DNAH1: variants seen among roughly 807,000 people sequenced by gnomAD.
The protein encoded by DNAH1 is dynein axonemal heavy chain 1.
In DNAH1, 327 loss-of-function variants were observed where a neutral mutation model predicts 484.3. The observed-to-expected ratio is 0.68, with a 90% CI of 0.62 to 0.74. The LOEUF (loss-of-function observed/expected upper bound fraction) is 0.74. Among genes scored for constraint, DNAH1 ranks in the 30% least tolerant of loss-of-function variants. The pLI is 0.00. For synonymous variants in DNAH1, 2,192 were observed against 2,191.9 expected (o/e 1.00, Z 0.00); for missense variants, 5,052 against 5,546.8 (o/e 0.91, Z 2.83).
In DNAH1 at chr3:52,369,508, G is replaced by T. The variant is rs150190976; in HGVS notation, c.5944-317G>T. 1.7e-3 allele frequency among the ~76,000 whole-genome samples: 254 copies of T among 152,294 alleles called. 4 individuals carry two copies. The East Asian group carries it at 0.021, about 12-fold the overall frequency. Reference sequence around the variant, plus strand: ...GACCTGTGTCTATGTGCACAGGGGTGGAGGGCTCTGGAGCAAAATACACAG... The same window carrying T: ...GACCTGTGTCTATGTGCACAGGGGTTGAGGGCTCTGGAGCAAAATACACAG... On this transcript the variant is annotated intron_variant, in intron 37 of 77. Coordinates refer to ENST00000420323, the MANE Select transcript of DNAH1 (RefSeq NM_015512.5).
At position 52,386,183 on chromosome 3, in the gene DNAH1, G is replaced by A. The variant is rs79689614; in HGVS notation, c.8649G>A (p.Glu2883=). ...AGGTGGATACGGCCATCGCCGAGGAGACCCGGAATTCAGTGCAGACAGAGG... is the reference window on the plus strand; with the variant it reads ...AGGTGGATACGGCCATCGCCGAGGAAACCCGGAATTCAGTGCAGACAGAGG... The part of the protein sequence containing the change: ...QIKVDTAIAE[E]TRNSVQTEEI... Residue 2883 remains glutamate (E), a synonymous_variant, in exon 55 of 78, where the codon GAG becomes GAA. Transcript: ENST00000420323. 3 of 1,613,578 alleles carry A rather than the reference G, an allele frequency of 1.9e-6. No homozygotes were observed. The East Asian group carries it at 6.7e-5, about 36-fold the overall frequency.
chr3:52,370,908 G>A (rs1703312038), intron 41 of DNAH1, 83 bp downstream of exon 41: 1 of 1,382,788 alleles, frequency 7.2e-7, no homozygotes, highest in Non-Finnish European at 1.0e-6. Context: ...TGGCCACACA[G>A]GGAGCCGTCA....
intron 37 of DNAH1, 119 bp downstream of exon 37, chr3:52,369,037 A>C: frequency 3.4e-6 from 4 of 1,180,848 alleles, no homozygotes; most frequent in Non-Finnish European, 4.8e-6. Flanking sequence ...GGTCCATCTC[A>C]GGCTGTCACC....
intron 1 of DNAH1, among the ~76,000 whole-genome samples, chr3:52,318,909 A>G (rs561698783): frequency 5.3e-5 from 8 of 152,270 alleles, no homozygotes; most frequent in Non-Finnish European, 8.8e-5. Context: ...AAATGGATAA[A>G]GGTGCAGGAT....
At position 52,357,731 on chromosome 3, in the gene DNAH1, C is replaced by T; in HGVS notation, c.3976C>T (p.Pro1326Ser). 6.3e-7 allele frequency: 1 copy of T among 1,576,740 alleles called. No individual in the cohort carries two copies. The highest frequency in any genetic ancestry group is 1.2e-5 in the South Asian group (1 of 86,524). Residue 1326 changes from proline to serine, a missense_variant, in exon 23 of 78, where the codon CCC becomes TCC. Physicochemically the swap from Pro to Ser is moderately conservative, Grantham distance 74 (BLOSUM62 -1). Transcript: ENST00000420323. ...EYLETKRSAF[P>S]RFYFLSDDEL... ...TCTGGAGACCAAGAGGAGCGCCTTC[C>T]CCAGGTGGGCGCCACCTGGCCATGC...
chr3:52,383,199 C>T (rs1317424405), intron 50 of DNAH1, among the ~76,000 whole-genome samples, 187 bp from the exon 51 acceptor site: 6 of 152,202 alleles, frequency 3.9e-5, no homozygotes, highest in Non-Finnish European at 2.9e-5. Flanking sequence ...AGAGCTTCTA[C>T]ATGGGGGCAA....
rs201550077 is a variant in DNAH1 at position 52,388,184 on chromosome 3, G to T, written c.9021G>T (p.Val3007=). Residue 3007 remains valine (V), a synonymous_variant, in exon 57 of 78, where the codon GTG becomes GTT. Transcript: ENST00000420323. The part of the protein sequence containing the change: ...FKFDKDNIGD[V]VIKAIQPYID... ...CACCTCAGGACAACATTGGGGATGTGGTGATCAAAGCCATCCAGCCGTACA... is the reference window on the plus strand; with the variant it reads ...CACCTCAGGACAACATTGGGGATGTTGTGATCAAAGCCATCCAGCCGTACA... The T allele has an allele frequency of 6.6e-4, 1,057 of 1,609,646 alleles. 2 individuals are homozygous for T. Among genetic ancestry groups the T allele is most frequent in the Non-Finnish European group, 8.6e-4 (1,010 of 1,178,144 alleles).
In DNAH1 at chr3:52,382,463, T is replaced by C; in HGVS notation, c.7941+8T>C. 1.9e-6 allele frequency: 3 copies of C among 1,613,462 alleles called. No homozygotes were observed. The highest frequency in any genetic ancestry group is 2.5e-6 in the Non-Finnish European group (3 of 1,179,534). On this transcript the variant is annotated splice_region_variant and intron_variant, in intron 50 of 77. Transcript: ENST00000420323. ...CTCTTCTCAGACACCCAGGTGCCAC[T>C]GCCACAGCAGAGGGCAGGGCTCGGG...
chr3:52,356,692 C>T lies in DNAH1; in HGVS notation c.3772C>T (p.Gln1258Ter), dbSNP rs1415820936. The T allele has an allele frequency of 3.1e-5, 50 of 1,613,848 alleles. No homozygotes were observed. The highest frequency in any genetic ancestry group is 4.0e-5 in the Non-Finnish European group (47 of 1,179,910). Residue 1258 changes from glutamine (Q) to a stop codon, truncating the protein, a stop_gained, in exon 22 of 78, where the codon CAG becomes TAG. Coordinates refer to ENST00000420323, the MANE Select transcript of DNAH1 (RefSeq NM_015512.5). LOFTEE classifies it high-confidence loss of function. ...EPIFSSEDIN[Q>*]QLPVESKRYQ... ...CATCTTTAGCTCTGAGGACATCAAC[C>T]AGCAGCTGCCTGTGGAGAGCAAGCG...
chr3:52,378,489 G>A, intron 46 of DNAH1, 113 bp from the exon 47 acceptor site: 2 of 1,178,022 alleles, frequency 1.7e-6, no homozygotes, highest in Non-Finnish European at 1.2e-6. Flanking sequence ...CTGAAGGCTG[G>A]GGAAGGGGCT....
chr3:52,382,763 C>T (rs554515223), intron 50 of DNAH1, among the ~76,000 whole-genome samples: 2 of 152,378 alleles, frequency 1.3e-5, no homozygotes, highest in East Asian at 3.9e-4. Context: ...GGGCTTGTCC[C>T]CAAAGTGCTA....
At chr3:52,375,538 C>A in intron 45 of DNAH1, 125 bp downstream of exon 45, 1 of 1,005,296 alleles carries the variant, frequency 9.9e-7, no homozygotes, top group Non-Finnish European at 1.5e-6. Context: ...ACCCTGGGTT[C>A]ACCTCTCACT....
At chr3:52,343,847 G>A (rs567036893) in intron 8 of DNAH1, among the ~76,000 whole-genome samples, 4 of 152,310 alleles carry the variant, frequency 2.6e-5, no homozygotes, top group African/African-American at 9.6e-5. Context: ...CATAGGCAAC[G>A]TGTGCTGAGG....
intron 8 of DNAH1, among the ~76,000 whole-genome samples, chr3:52,334,854 GTT>G (rs35616652): frequency 7.0e-6 from 1 of 142,010 alleles, no homozygotes. Context: ...CTTTCTTTCT[GTT>G]TTTTTTTTTT....
chr3:52,388,992 T>G, intron 59 of DNAH1, 55 bp downstream of exon 59: 1 of 1,523,966 alleles, frequency 6.6e-7, no homozygotes, highest in South Asian at 1.3e-5. Context: ...AAGAGACCCT[T>G]CCCCCTTGAG....
At chr3:52,369,519 G>A (rs1208603388) in intron 37 of DNAH1, among the ~76,000 whole-genome samples, 3 of 152,162 alleles carry the variant, frequency 2.0e-5, no homozygotes, top group African/African-American at 7.2e-5. Flanking sequence ...GAGGGCTCTG[G>A]AGCAAAATAC....
chr3:52,323,945 C>G, intron 3 of DNAH1, 65 bp downstream of exon 3: 1 of 1,281,054 alleles, frequency 7.8e-7, no homozygotes, highest in Non-Finnish European at 1.1e-6. Context: ...CTTTTGGCCT[C>G]AGGGAGACAG....
Position 52,393,483 on chromosome 3 carries a change from C to A in DNAH1, c.10624C>A (p.Gln3542Lys). Reference sequence around the variant, plus strand: ...CATGATGAACGAGGGCAAAATCAACCAGGTGCTGGCAGAGACACCCAGGAC... The same window carrying A: ...CATGATGAACGAGGGCAAAATCAACAAGGTGCTGGCAGAGACACCCAGGAC... ...RIMMNEGKIN[Q>K]SEWRYLLSGG... Residue 3542 changes from glutamine (Q) to lysine (K), a missense_variant and splice_region_variant, in exon 66 of 78, where the codon CAG (glutamine) becomes AAG (lysine). Coordinates refer to ENST00000420323, the MANE Select transcript of DNAH1 (RefSeq NM_015512.5). 6.2e-7 allele frequency: 1 copy of A among 1,613,974 alleles called. No homozygotes were observed. The highest frequency in any genetic ancestry group is 8.5e-7 in the Non-Finnish European group (1 of 1,179,864).
At position 52,385,320 on chromosome 3, in the gene DNAH1, T is replaced by C; in HGVS notation, c.8515-17T>C. 2.6e-6 allele frequency: 4 copies of C among 1,551,254 alleles called. No homozygotes were observed. Among genetic ancestry groups the C allele is most frequent in the Non-Finnish European group, 3.5e-6 (4 of 1,146,512 alleles). ...TCCCTGCCACACCTGTTTTCCTGTCTCTGCCCTGACCCCTAGCTGCTGCGC... is the reference window on the plus strand; with the variant it reads ...TCCCTGCCACACCTGTTTTCCTGTCCCTGCCCTGACCCCTAGCTGCTGCGC... On this transcript the variant is annotated splice_polypyrimidine_tract_variant and intron_variant, in intron 53 of 77. Transcript: ENST00000420323.
Sources: allele counts gnomAD v4.1 joint callset (sites outside exome capture counted in the v4.1 genomes callset), GRCh38; gene constraint gnomAD v4.1.1; transcripts MANE v1.5; gene names NCBI Gene and HGNC (gene_info 2026-07-23, HGNC 2026-07-21).